Variants in PIP5K1B observed in about 807,000 individuals in gnomAD.
PIP5K1B encodes the protein phosphatidylinositol-4-phosphate 5-kinase type 1 beta.
In PIP5K1B, 42 loss-of-function variants were observed where a neutral mutation model predicts 67.0. The ratio of observed to expected loss-of-function variants is 0.63; its 90% confidence interval spans 0.49 to 0.81. The LOEUF is 0.81. Among genes scored for constraint, PIP5K1B ranks in the 30% least tolerant of loss-of-function variants. The pLI, the probability that PIP5K1B is intolerant of heterozygous loss-of-function variation, is 0.00. For missense variants in PIP5K1B, 459 were observed against 646.3 expected (o/e 0.71, Z 3.14); for synonymous variants, 214 against 231.4 (o/e 0.92, Z 0.68).
chr9:68,878,044 T>TGTGTGC (rs1383750242), intron 6 of PIP5K1B, among the ~76,000 whole-genome samples: 2 of 151,828 alleles, frequency 1.3e-5, no homozygotes, highest in Non-Finnish European at 2.9e-5. Flanking sequence ...TGTGTGTGTG[T>TGTGTGC]GTGTGTGTGT....
At chr9:68,792,735 T>A (rs1309975229) in intron 2 of PIP5K1B, among the ~76,000 whole-genome samples, 1 of 152,194 alleles carries the variant, frequency 6.6e-6, no homozygotes, top group Non-Finnish European at 1.5e-5. Flanking sequence ...CGCCTCGGCC[T>A]CCCAAAGTGC....
intron 2 of PIP5K1B, among the ~76,000 whole-genome samples, chr9:68,791,023 C>T (rs897263514): frequency 2.6e-5 from 4 of 152,148 alleles, no homozygotes; most frequent in Non-Finnish European, 5.9e-5. Flanking sequence ...TTTGTTTACC[C>T]GCAGAAGTTC....
intron 2 of PIP5K1B, among the ~76,000 whole-genome samples, chr9:68,746,319 T>C (rs1490462363): frequency 1.3e-5 from 2 of 152,106 alleles, no homozygotes; most frequent in African/African-American, 2.4e-5. Flanking sequence ...CCTCAAGTGG[T>C]CCACCCACCT....
intron 2 of PIP5K1B, chr9:68,783,170 A>G (rs12006032): frequency 0.13 from 21,547 of 166,296 alleles, 1,512 homozygotes; most frequent in Non-Finnish European, 0.16. Flanking sequence ...CCCATTTCCT[A>G]CTCTTTAAGG....
intron 2 of PIP5K1B, among the ~76,000 whole-genome samples, chr9:68,778,257 A>C (rs909455532): frequency 1.3e-5 from 2 of 152,208 alleles, no homozygotes; most frequent in Non-Finnish European, 2.9e-5. Context: ...TCGTAAAATG[A>C]GTATAACAAT....
intron 15 of PIP5K1B, among the ~76,000 whole-genome samples, chr9:69,007,541 C>T (rs1831135274): frequency 6.6e-6 from 1 of 152,140 alleles, no homozygotes; most frequent in African/African-American, 2.4e-5. Context: ...GAAGATGTTG[C>T]ATAATATTCT....
chr9:68,928,810 T>C (rs1826838416), intron 12 of PIP5K1B, among the ~76,000 whole-genome samples: 1 of 152,216 alleles, frequency 6.6e-6, no homozygotes, highest in African/African-American at 2.4e-5. Context: ...TGACCTATAA[T>C]GACCTATACT....
intron 5 of PIP5K1B, among the ~76,000 whole-genome samples, chr9:68,873,421 G>A (rs532637740): frequency 1.3e-4 from 20 of 150,904 alleles, no homozygotes; most frequent in Admixed American, 7.3e-4. Flanking sequence ...CCAAACAGCC[G>A]GGACTACAGA....
At chr9:68,768,264 G>A (rs1830527515) in intron 2 of PIP5K1B, among the ~76,000 whole-genome samples, 1 of 152,108 alleles carries the variant, frequency 6.6e-6, no homozygotes, top group Non-Finnish European at 1.5e-5. Flanking sequence ...GAAGTGGGAA[G>A]AAAAGGAAAA....
chr9:68,953,689 C>T (rs987238507), intron 14 of PIP5K1B, among the ~76,000 whole-genome samples: 3 of 151,836 alleles, frequency 2.0e-5, no homozygotes, highest in African/African-American at 7.3e-5. Flanking sequence ...CAGTGACACA[C>T]CTGTAGTCCC....
intron 15 of PIP5K1B, among the ~76,000 whole-genome samples, chr9:69,000,894 C>CTTT (rs35077587): frequency 5.5e-5 from 8 of 144,532 alleles, no homozygotes; most frequent in Non-Finnish European, 9.0e-5. Flanking sequence ...GGGAGCACAA[C>CTTT]TTTTTTTTTT....
At chr9:68,718,228 G>A (rs535508737) in intron 1 of PIP5K1B, among the ~76,000 whole-genome samples, 3 of 151,668 alleles carry the variant, frequency 2.0e-5, no homozygotes, top group Admixed American at 6.6e-5. Flanking sequence ...AGAACTTTGA[G>A]TTGGACAAAA....
intron 14 of PIP5K1B, among the ~76,000 whole-genome samples, chr9:68,982,687 G>A (rs557732650): frequency 6.6e-5 from 10 of 152,134 alleles, no homozygotes; most frequent in South Asian, 2.1e-4. Flanking sequence ...GCTTAAGCCC[G>A]GGAGGTGGAG....
At chr9:68,989,766 G>A (rs1199191208) in intron 14 of PIP5K1B, among the ~76,000 whole-genome samples, 1 of 152,106 alleles carries the variant, frequency 6.6e-6, no homozygotes, top group East Asian at 1.9e-4. Flanking sequence ...GATCACCTGA[G>A]GTCAGGAGTT....
At position 68,889,118 on chromosome 9, in the gene PIP5K1B, G is replaced by T; in HGVS notation, c.456G>T (p.Leu152=). The change falls in exon 7 of 16, where the codon CTG becomes CTT. Residue 152 remains leucine (L), a synonymous_variant. Transcript: ENST00000265382. ...AAGCTGAGTTTCTTCAGAAGCTACTGCCAGGCTATTACATGGTAAGGAACT... is the reference window on the plus strand; with the variant it reads ...AAGCTGAGTTTCTTCAGAAGCTACTTCCAGGCTATTACATGGTAAGGAACT... ...HKEAEFLQKL[L]PGYYMNLNQN... 6.2e-7 allele frequency: 1 copy of T among 1,613,102 alleles called. No homozygotes were observed. The highest frequency in any genetic ancestry group is 8.5e-7 in the Non-Finnish European group (1 of 1,179,208).
At chr9:68,748,839 C>T (rs551231460) in intron 2 of PIP5K1B, among the ~76,000 whole-genome samples, 35 of 151,952 alleles carry the variant, frequency 2.3e-4, no homozygotes, top group African/African-American at 6.3e-4. Flanking sequence ...CTCGAACTCC[C>T]GACCTCAGGT....
At chr9:68,880,772 C>A (rs984460179) in intron 6 of PIP5K1B, among the ~76,000 whole-genome samples, 3 of 152,172 alleles carry the variant, frequency 2.0e-5, no homozygotes, top group African/African-American at 7.2e-5. Flanking sequence ...AGAACAAAGG[C>A]AGTGGCCTTA....
chr9:68,778,806 T>C (rs1028766640), intron 2 of PIP5K1B, among the ~76,000 whole-genome samples: 2 of 152,262 alleles, frequency 1.3e-5, no homozygotes, highest in Admixed American at 1.3e-4. Context: ...CCCGCTCTTA[T>C]GCTTCAGCGG....
chr9:68,977,671 T>C (rs923973212), intron 14 of PIP5K1B, among the ~76,000 whole-genome samples: 55 of 151,068 alleles, frequency 3.6e-4, no homozygotes, highest in Middle Eastern at 3.4e-3. Context: ...TTTTTTTTTT[T>C]CGAGACGGAG....
Sources: allele counts gnomAD v4.1 joint callset (sites outside exome capture counted in the v4.1 genomes callset), GRCh38; gene constraint gnomAD v4.1.1; transcripts MANE v1.5; gene names NCBI Gene and HGNC (gene_info 2026-07-23, HGNC 2026-07-21).